PPARGC1B: variants seen among roughly 807,000 people sequenced by gnomAD.
PPARGC1B encodes the protein PPARG coactivator 1 beta, also known as peroxisome proliferator-activated receptor gamma coactivator 1-beta.
A neutral mutation model predicts 101.6 loss-of-function variants in PPARGC1B; 34 were observed. The ratio of observed to expected loss-of-function variants is 0.33; its 90% CI spans 0.25 to 0.45. The LOEUF (loss-of-function observed/expected upper bound fraction) is 0.45. PPARGC1B is among the 20% of genes least tolerant of loss of function. The pLI, the probability that PPARGC1B is intolerant of heterozygous loss-of-function variation, is 1.00. For missense variants in PPARGC1B, 1,234 were observed against 1,317.6 expected, an observed-to-expected ratio of 0.94 and a Z score of 0.98; for synonymous variants, 548 against 539.3, an observed-to-expected ratio of 1.02 and a Z score of -0.22.
intron 9 of PPARGC1B, among the ~76,000 whole-genome samples, chr5:149,841,808 C>T (rs1375537959): frequency 6.6e-6 from 1 of 152,178 alleles, no homozygotes; most frequent in Non-Finnish European, 1.5e-5. Context: ...AGCCACTTTG[C>T]CCAGGCAAAA....
chr5:149,787,776 C>G (rs960114848), intron 1 of PPARGC1B, among the ~76,000 whole-genome samples: 38 of 152,250 alleles, frequency 2.5e-4, no homozygotes, highest in Middle Eastern at 6.8e-3. Flanking sequence ...GTCGGCCAAT[C>G]ATAACTAAAT....
intron 1 of PPARGC1B, among the ~76,000 whole-genome samples, chr5:149,733,295 A>T (rs145652877): frequency 2.0e-5 from 3 of 152,228 alleles, no homozygotes; most frequent in Non-Finnish European, 2.9e-5. Flanking sequence ...AAGGATTGCG[A>T]AAGTTTCTTG....
chr5:149,736,720 C>A (rs930984826), intron 1 of PPARGC1B, among the ~76,000 whole-genome samples: 3 of 152,198 alleles, frequency 2.0e-5, no homozygotes, highest in African/African-American at 7.2e-5. Context: ...CACTCTCTTG[C>A]TCACACATCT....
chr5:149,845,989 C>T, intron 11 of PPARGC1B, 75 bp downstream of exon 11: 1 of 1,585,388 alleles, frequency 6.3e-7, no homozygotes, highest in Non-Finnish European at 8.7e-7. Flanking sequence ...GAACAAAACC[C>T]AGAGCTAAAG....
At chr5:149,810,133 C>A (rs1278231312) in intron 1 of PPARGC1B, among the ~76,000 whole-genome samples, 1 of 152,158 alleles carries the variant, frequency 6.6e-6, no homozygotes, top group Non-Finnish European at 1.5e-5. Flanking sequence ...ACAACATGTA[C>A]CTGTACATCA....
chr5:149,852,630 C>G lies in PPARGC1B; in HGVS notation c.*5072C>G, dbSNP rs1759807031. The G allele has an allele frequency of 6.6e-6, 1 of 152,142 alleles. No individual in the cohort carries two copies. The highest frequency in any genetic ancestry group is 1.5e-5 in the Non-Finnish European group (1 of 68,020). The allele number at this position is 152,142 out of a possible 1,614,324, so 9.4% of individuals were successfully genotyped here. A position where few individuals can be genotyped will look rare whatever the true frequency, so the allele number is the denominator to read the frequency against. Reference sequence around the variant, plus strand: ...TCTCACATTAACCTTGTCTTTGTCCCCACTGGATAGCTGTTAATCCGAATG... The same window carrying G: ...TCTCACATTAACCTTGTCTTTGTCCGCACTGGATAGCTGTTAATCCGAATG... On this transcript the variant is annotated 3_prime_UTR_variant, in exon 12 of 12. Coordinates refer to ENST00000309241, the MANE Select transcript of PPARGC1B (RefSeq NM_133263.4).
At chr5:149,779,377 G>A (rs997740320) in intron 1 of PPARGC1B, among the ~76,000 whole-genome samples, 3 of 152,178 alleles carry the variant, frequency 2.0e-5, no homozygotes, top group Non-Finnish European at 4.4e-5. Flanking sequence ...TGCCTCTTCT[G>A]CCCTCAAGGC....
intron 1 of PPARGC1B, among the ~76,000 whole-genome samples, chr5:149,775,683 C>T (rs921897475): frequency 2.0e-5 from 3 of 148,570 alleles, no homozygotes; most frequent in African/African-American, 7.5e-5. Context: ...GCTAGGCATG[C>T]CTTGTGGTAG....
At chr5:149,814,911 G>A (rs1284154752) in intron 1 of PPARGC1B, among the ~76,000 whole-genome samples, 1 of 152,232 alleles carries the variant, frequency 6.6e-6, no homozygotes, top group African/African-American at 2.4e-5. Context: ...GGGCCAGAGA[G>A]GCCCTACACA....
rs35484083 is a variant in PPARGC1B, at chr5:149,794,524, GCACACACACA to G, written c.79-25888_79-25879del. ...TGCATACGCTCATGTATGTGAGCGT[GCACACACACA>G]CACACACACACACACACACATTCAA... On this transcript the variant is annotated intron_variant, in intron 1 of 11. Coordinates refer to ENST00000309241, the MANE Select transcript of PPARGC1B (RefSeq NM_133263.4). Among the ~76,000 whole-genome samples the G allele has an allele frequency of 4.5e-4, 64 of 143,662 alleles. 1 individual carries two copies. Among genetic ancestry groups the G allele is most frequent in the Admixed American group, 2.4e-3 (35 of 14,382 alleles). The allele number at this position is 143,662 out of a possible 152,430, so 94.2% of individuals were successfully genotyped here.
intron 1 of PPARGC1B, among the ~76,000 whole-genome samples, chr5:149,756,264 C>G (rs1036830910): frequency 2.6e-5 from 4 of 152,038 alleles, no homozygotes; most frequent in African/African-American, 9.7e-5. Flanking sequence ...GAGTTTGAGA[C>G]CAGCCTGGCC....
intron 10 of PPARGC1B, chr5:149,845,558 G>T: frequency 1.8e-6 from 1 of 569,754 alleles, no homozygotes; most frequent in South Asian, 2.7e-5. Context: ...CCAACACCTG[G>T]CAGACATTCA....
Position 149,847,746 on chromosome 5 carries a change from T to C in PPARGC1B, c.*188T>C, listed in dbSNP as rs1759625041. On this transcript the variant is annotated 3_prime_UTR_variant, in exon 12 of 12. Transcript: ENST00000309241. ...AATGTTTACATTGAACAAAGCTGCT[T>C]CTGTCTGTGAGTTTCCATGGTGTTG... 9 of 576,518 alleles carry C rather than the reference T, an allele frequency of 1.6e-5. No individual in the cohort carries two copies. The East Asian group carries it at 1.7e-4, about 11-fold the overall frequency. The allele number at this position is 576,518 out of a possible 1,614,324, so 35.7% of individuals were successfully genotyped here.
intron 1 of PPARGC1B, among the ~76,000 whole-genome samples, chr5:149,782,180 G>T (rs1756624166): frequency 6.6e-6 from 1 of 152,156 alleles, no homozygotes; most frequent in East Asian, 1.9e-4. Flanking sequence ...CGAGTTGTGG[G>T]CTGGGAGAAG....
chr5:149,790,852 T>C (rs1490258076), intron 1 of PPARGC1B, among the ~76,000 whole-genome samples: 1 of 152,080 alleles, frequency 6.6e-6, no homozygotes, highest in East Asian at 1.9e-4. Flanking sequence ...ACTTGGGAGC[T>C]TGGTTAAAAT....
At chr5:149,809,594 G>A (rs1253604564) in intron 1 of PPARGC1B, among the ~76,000 whole-genome samples, 2 of 150,382 alleles carry the variant, frequency 1.3e-5, no homozygotes, top group Non-Finnish European at 3.0e-5. Flanking sequence ...AGGCTGAGGC[G>A]GGAGGATTGC....
chr5:149,830,875 T>C lies in PPARGC1B; in HGVS notation c.574T>C (p.Cys192Arg), dbSNP rs776782960. ...AGLRSKSQRPCVKADSTQDKK... is the reference protein window; with the variant it reads ...AGLRSKSQRPRVKADSTQDKK... ...CCTCAGATCTAAAAGTCAACGGCCTTGTGTTAAGGTATTTCTTCACATGCC... is the reference window on the plus strand; with the variant it reads ...CCTCAGATCTAAAAGTCAACGGCCTCGTGTTAAGGTATTTCTTCACATGCC... Residue 192 changes from cysteine to arginine, a missense_variant, in exon 4 of 12, where the codon TGT becomes CGT. Coordinates refer to ENST00000309241, the MANE Select transcript of PPARGC1B (RefSeq NM_133263.4). 4 of 1,610,084 alleles carry C rather than the reference T, an allele frequency of 2.5e-6. No homozygotes were observed. The South Asian group carries it at 4.4e-5, about 18-fold the overall frequency.
chr5:149,749,469 GCTGT>G (rs1452716367), intron 1 of PPARGC1B, among the ~76,000 whole-genome samples: 21 of 152,300 alleles, frequency 1.4e-4, no homozygotes, highest in African/African-American at 4.8e-5. Context: ...CTCCGCTACT[GCTGT>G]CTGAGTTCCC....
intron 1 of PPARGC1B, among the ~76,000 whole-genome samples, chr5:149,773,966 A>G (rs115468140): frequency 1.2e-4 from 19 of 152,316 alleles, no homozygotes; most frequent in African/African-American, 4.3e-4. Flanking sequence ...CCCCAGATGC[A>G]TGGCAGCCTG....
Sources: gnomAD v4.1 joint callset for allele counts (sites outside exome capture counted in the v4.1 genomes callset) on GRCh38, gnomAD v4.1.1 for gene constraint, MANE v1.5 for transcripts, NCBI Gene and HGNC (gene_info 2026-07-23, HGNC 2026-07-21) for gene names.